The following FAP variants were observed in gnomAD, a reference collection of about 807,000 sequenced individuals.
FAP encodes fibroblast activation protein alpha.
Under a neutral mutation model 126.5 loss-of-function variants are expected in FAP, and 110 were observed. That is an observed-to-expected ratio of 0.87 (90% CI 0.74 to 1.02). The LOEUF is 1.02. FAP is among the 50% of genes least tolerant of loss of function. The pLI is 0.00. For synonymous variants in FAP, 334 were observed against 297.3 expected (o/e 1.12, Z -1.27); for missense variants, 919 against 909.2 (o/e 1.01, Z -0.14).
In FAP at chr2:162,202,823, G is replaced by A. The variant is rs369864668; in HGVS notation, c.1223+49C>T. On this transcript the variant is annotated intron_variant, in intron 14 of 25. Transcript: ENST00000188790. ...TGGTACAGTATCATTTATGTCCATC[G>A]GTGCCAATTAAAACCTGAATGGTGC... is the stretch of plus-strand genomic sequence containing the variant. 4.8e-5 allele frequency: 64 copies of A among 1,332,730 alleles called. 1 individual carries two copies. The highest frequency in any genetic ancestry group is 2.1e-4 in the East Asian group (9 of 43,532). 82.6% of individuals were successfully genotyped at this position (1,332,730 alleles called of 1,614,324 possible).
intron 14 of FAP, among the ~76,000 whole-genome samples, chr2:162,202,640 A>G (rs1475307410): frequency 6.6e-6 from 1 of 152,238 alleles, no homozygotes; most frequent in Non-Finnish European, 1.5e-5. Flanking sequence ...TACTTTTTAT[A>G]TAATTGCCTA....
At chr2:162,191,749 A>T (rs1023668332) in intron 17 of FAP, among the ~76,000 whole-genome samples, 3 of 152,160 alleles carry the variant, frequency 2.0e-5, no homozygotes, top group African/African-American at 7.2e-5. Flanking sequence ...AATTTTAATG[A>T]GCATTTTCTG....
At chr2:162,201,308 G>C (rs958799742) in intron 14 of FAP, among the ~76,000 whole-genome samples, 3 of 152,084 alleles carry the variant, frequency 2.0e-5, no homozygotes, top group Non-Finnish European at 4.4e-5. Context: ...GGACAATTAG[G>C]CAGTCCAGTT....
Position 162,194,522 on chromosome 2 carries a change from T to C in FAP, c.1450+179A>G, listed in dbSNP as rs1039591045. Among the ~76,000 whole-genome samples, 3 of 152,156 alleles carry C rather than the reference T, an allele frequency of 2.0e-5. No homozygotes were observed. The East Asian group carries it at 5.8e-4, about 29-fold the overall frequency. On this transcript the variant is annotated intron_variant, in intron 17 of 25. Coordinates refer to ENST00000188790, the MANE Select transcript of FAP (RefSeq NM_004460.5). ...CACTGCAAAGAATTATTAAATTTCA[T>C]AGGATCATATTTGACCCAAATAATA... is the stretch of plus-strand genomic sequence containing the variant.
chr2:162,243,067 CCTAAATCCTTTTTCTCTCGCCCCACAAAG>C, intron 1 of FAP, 75 bp from the exon 2 acceptor site: 2 of 1,194,004 alleles, frequency 1.7e-6, no homozygotes, highest in South Asian at 2.6e-5. Context: ...TTTGTTTACA[CCTAAATCCTTTTTCTCTCGCCCCACAAAG>C]CTTTTGATTG....
intron 25 of FAP, 58 bp downstream of exon 25, chr2:162,172,753 C>A: frequency 8.9e-7 from 1 of 1,119,420 alleles, no homozygotes; most frequent in Non-Finnish European, 1.4e-6. Flanking sequence ...AAATATGAAC[C>A]CCTCCTTTTA....
intron 5 of FAP, among the ~76,000 whole-genome samples, chr2:162,223,883 G>A (rs567942595): frequency 6.6e-6 from 1 of 152,254 alleles, no homozygotes; most frequent in African/African-American, 2.4e-5. Flanking sequence ...AATCTCAGCA[G>A]TGATTCAACC....
chr2:162,181,955 C>T (rs1192285956), intron 21 of FAP, among the ~76,000 whole-genome samples: 1 of 152,146 alleles, frequency 6.6e-6, no homozygotes. Flanking sequence ...ACGTGGCAGC[C>T]CATTTCTTAC....
At chr2:162,240,228 G>T (rs1345344668) in intron 2 of FAP, among the ~76,000 whole-genome samples, 1 of 152,112 alleles carries the variant, frequency 6.6e-6, no homozygotes. Flanking sequence ...ACTAAAAAGG[G>T]AATATTTTAC....
chr2:162,243,176 AT>A, intron 1 of FAP, 145 bp downstream of exon 1: 1 of 799,032 alleles, frequency 1.3e-6, no homozygotes, highest in Non-Finnish European at 2.1e-6. Context: ...TCTACAGTAT[AT>A]TTAGAACAAT....
chr2:162,191,590 G>A (rs908062533), intron 17 of FAP, among the ~76,000 whole-genome samples: 8 of 152,054 alleles, frequency 5.3e-5, no homozygotes, highest in African/African-American at 1.9e-4. Context: ...GTATTTGTAG[G>A]CTCTTCATTG....
intron 2 of FAP, among the ~76,000 whole-genome samples, chr2:162,237,959 CT>C (rs374393343): frequency 6.6e-6 from 1 of 151,802 alleles, no homozygotes; most frequent in Non-Finnish European, 1.5e-5. Flanking sequence ...TGATGATGAG[CT>C]TTTTTTCATA....
intron 20 of FAP, among the ~76,000 whole-genome samples, chr2:162,186,703 A>T (rs1381588479): frequency 2.6e-5 from 4 of 152,114 alleles, no homozygotes; most frequent in Non-Finnish European, 5.9e-5. Context: ...CTCTGTTTTC[A>T]TGTAGTCCCA....
intron 9 of FAP, 139 bp from the exon 10 acceptor site, chr2:162,216,140 C>T: frequency 3.4e-6 from 2 of 593,402 alleles, no homozygotes; most frequent in East Asian, 2.9e-5. Flanking sequence ...CTATTTATAA[C>T]ACGACAAGGA....
chr2:162,224,744 T>C (rs1365921810), intron 4 of FAP, among the ~76,000 whole-genome samples: 2 of 152,140 alleles, frequency 1.3e-5, no homozygotes, highest in Non-Finnish European at 2.9e-5. Flanking sequence ...AGAGATAATA[T>C]ATACTTTGTG....
chr2:162,216,502 T>C (rs767288459), intron 9 of FAP, among the ~76,000 whole-genome samples: 2 of 152,212 alleles, frequency 1.3e-5, no homozygotes, highest in African/African-American at 2.4e-5. Context: ...CTTGCATTAT[T>C]ACTGCCACCA....
Position 162,173,739 on chromosome 2 carries a change from T to G in FAP, c.2018A>C (p.Asn673Thr). The G allele has an allele frequency of 6.2e-7, 1 of 1,602,458 alleles. No individual in the cohort carries two copies. Reference protein sequence around the residue: ...RFMGLPTKDDNLEHYKNSTVM... With the variant: ...RFMGLPTKDDTLEHYKNSTVM... The stretch of plus-strand genomic sequence containing the variant: ...AACACTTACCTTATAGTGCTCAAGA[T>G]TATCATCCTTTGTTGGGAGACCCAT... Residue 673 changes from asparagine (N) to threonine (T), a missense_variant, in exon 23 of 26, where the codon AAT becomes ACT. By Grantham distance (65) the Asn-to-Thr change is moderately conservative. Coordinates refer to ENST00000188790, the MANE Select transcript of FAP (RefSeq NM_004460.5).
intron 2 of FAP, among the ~76,000 whole-genome samples, chr2:162,235,001 G>C (rs546789034): frequency 6.8e-4 from 103 of 152,220 alleles, no homozygotes; most frequent in African/African-American, 2.3e-3. Flanking sequence ...AGCTGCGGAG[G>C]GCGAACCGGG....
chr2:162,243,065 C>A (rs1690418919), intron 1 of FAP, 73 bp from the exon 2 acceptor site: 1 of 1,196,528 alleles, frequency 8.4e-7, no homozygotes, highest in Admixed American at 2.0e-5. Context: ...ATTTTGTTTA[C>A]ACCTAAATCC....
Sources: gnomAD v4.1 joint callset for allele counts (sites outside exome capture counted in the v4.1 genomes callset) on GRCh38, gnomAD v4.1.1 for gene constraint, MANE v1.5 for transcripts, NCBI Gene and HGNC (gene_info 2026-07-23, HGNC 2026-07-21) for gene names.